RERE: variants seen among roughly 807,000 people sequenced by gnomAD.
RERE encodes arginine-glutamic acid dipeptide repeats protein.
Under a neutral mutation model 146.1 loss-of-function variants are expected in RERE, and 40 were observed. That is an observed-to-expected ratio of 0.27 (90% CI 0.21 to 0.36). The LOEUF is 0.36. RERE is among the 10% of genes least tolerant of loss of function. The probability of loss-of-function intolerance (pLI) is 1.00; values close to 1 mark genes in which losing one functional copy is unlikely to be tolerated. For synonymous variants in RERE, 1,003 were observed against 866.0 expected, an observed-to-expected ratio of 1.16 and a Z score of -2.78; for missense variants, 1,933 against 2,138.7, an observed-to-expected ratio of 0.90 and a Z score of 1.90.
At chr1:8,480,095 A>G (rs1190675796) in intron 10 of RERE, among the ~76,000 whole-genome samples, 1 of 151,902 alleles carries the variant, frequency 6.6e-6, no homozygotes, top group Non-Finnish European at 1.5e-5. Context: ...CAAATAAATA[A>G]ATGAATATAT....
chr1:8,432,837 A>G (rs1644113149), intron 11 of RERE, among the ~76,000 whole-genome samples: 1 of 152,164 alleles, frequency 6.6e-6, no homozygotes, highest in Non-Finnish European at 1.5e-5. Flanking sequence ...TTCCAAGAAG[A>G]ATGGAGAAGT....
At position 8,360,906 on chromosome 1, in the gene RERE, G is replaced by A. The variant is rs77608355; in HGVS notation, c.2601C>T (p.Gly867=). 4.8e-3 allele frequency: 7,187 copies of A among 1,494,174 alleles called. 310 individuals carry two copies. The African/African-American group carries it at 0.089, about 19-fold the overall frequency. The allele number at this position is 1,494,174 out of a possible 1,614,324, so 92.6% of individuals were successfully genotyped here. The change falls in exon 18 of 23, where the codon GGC becomes GGT. Residue 867 remains glycine, a synonymous_variant. Transcript: ENST00000400908. The stretch of plus-strand genomic sequence containing the variant: ...GAGGGAGGCCAAAGGGCTGTGGGGG[G>A]CCTGGGTGCTGCAGCAGGGGCCCAG... ...LQAGPLLQHP[G]PPQPFGLPPQ... is the part of the protein sequence containing the mutation.
chr1:8,643,878 A>AT (rs1411834627), intron 2 of RERE, among the ~76,000 whole-genome samples: 7 of 152,240 alleles, frequency 4.6e-5, no homozygotes, highest in East Asian at 1.9e-4. Flanking sequence ...ATTCTCACCT[A>AT]TTTTTTTCCT....
chr1:8,653,364 T>TA (rs1557459510), intron 2 of RERE, among the ~76,000 whole-genome samples: 1 of 152,154 alleles, frequency 6.6e-6, no homozygotes. Context: ...GAAAGGATAA[T>TA]AAAAAAGTAA....
intron 11 of RERE, among the ~76,000 whole-genome samples, chr1:8,443,701 C>T (rs1050875135): frequency 4.6e-5 from 7 of 152,160 alleles, no homozygotes; most frequent in African/African-American, 1.2e-4. Context: ...GGTTTTGCTG[C>T]CCTCTGCAGC....
chr1:8,455,264 C>G (rs1557640262), intron 11 of RERE, among the ~76,000 whole-genome samples: 1 of 151,950 alleles, frequency 6.6e-6, no homozygotes, highest in African/African-American at 2.4e-5. Context: ...TTTTTAGAGA[C>G]AGGGTATCGC....
intron 1 of RERE, chr1:8,796,767 G>T (rs897064888): frequency 2.6e-5 from 4 of 151,980 alleles, no homozygotes; most frequent in African/African-American, 9.7e-5. Flanking sequence ...AATACGAAGG[G>T]TTAAAATACA....
At chr1:8,434,477 G>A (rs1034317787) in intron 11 of RERE, among the ~76,000 whole-genome samples, 1 of 152,194 alleles carries the variant, frequency 6.6e-6, no homozygotes, top group South Asian at 2.1e-4. Context: ...CTTTACATTT[G>A]TGACAAACTA....
At chr1:8,722,108 T>C (rs1376600002) in intron 1 of RERE, among the ~76,000 whole-genome samples, 1 of 152,238 alleles carries the variant, frequency 6.6e-6, no homozygotes, top group Non-Finnish European at 1.5e-5. Flanking sequence ...ACATTTATTC[T>C]ACTTCATAAG....
chr1:8,703,985 A>C (rs925567559), intron 1 of RERE, among the ~76,000 whole-genome samples: 3 of 152,246 alleles, frequency 2.0e-5, no homozygotes, highest in Non-Finnish European at 1.5e-5. Flanking sequence ...TCCATCTGTT[A>C]GACAAGACAT....
At chr1:8,696,592 C>G (rs777609621) in intron 1 of RERE, among the ~76,000 whole-genome samples, 2 of 152,062 alleles carry the variant, frequency 1.3e-5, no homozygotes, top group Non-Finnish European at 2.9e-5. Flanking sequence ...CCTGCCTAGG[C>G]AACAGAGTGA....
chr1:8,394,770 C>T (rs370829128), intron 12 of RERE, among the ~76,000 whole-genome samples: 1 of 152,150 alleles, frequency 6.6e-6, no homozygotes, highest in East Asian at 1.9e-4. Flanking sequence ...TTAACTTGCT[C>T]TGTAAACCAT....
intron 21 of RERE, 61 bp from the exon 22 acceptor site, chr1:8,355,660 C>A (rs577771438): frequency 5.6e-6 from 8 of 1,427,714 alleles, no homozygotes; most frequent in Non-Finnish European, 7.5e-6. Flanking sequence ...AAGACCAGGG[C>A]GGCACAGGCA....
intron 1 of RERE, among the ~76,000 whole-genome samples, chr1:8,766,639 G>A (rs1414946316): frequency 6.6e-6 from 1 of 151,760 alleles, no homozygotes; most frequent in Non-Finnish European, 1.5e-5. Context: ...AAGAGATACA[G>A]GAAAAAGAAA....
intron 9 of RERE, among the ~76,000 whole-genome samples, chr1:8,496,170 G>T (rs542290304): frequency 7.4e-6 from 1 of 134,858 alleles, no homozygotes; most frequent in African/African-American, 3.1e-5. Context: ...AAAAAAAAAA[G>T]GTGAGAAACC....
In RERE at chr1:8,356,295, T is replaced by A. The variant is rs762736579; in HGVS notation, c.4340-49A>T. The A allele has an allele frequency of 4.8e-5, 70 of 1,464,606 alleles. No individual in the cohort carries two copies. Among genetic ancestry groups the A allele is most frequent in the Admixed American group, 1.0e-4 (3 of 28,846 alleles). 90.7% of individuals were successfully genotyped at this position (1,464,606 alleles called of 1,614,324 possible). A position where few individuals can be genotyped will look rare whatever the true frequency, so the allele number is the denominator to read the frequency against. Reference sequence around the variant, plus strand: ...ATGGAGGCGGTGTGCAGCTCTTCAATGTTTGTCCCCCTTGGCTGGAATGAC... The same window carrying A: ...ATGGAGGCGGTGTGCAGCTCTTCAAAGTTTGTCCCCCTTGGCTGGAATGAC... On this transcript the variant is annotated intron_variant, in intron 20 of 22. Transcript: ENST00000400908. This position sits in a 1 kb window ranked among gnomAD's most constrained non-coding sequence, Gnocchi z 5.2.
intron 4 of RERE, among the ~76,000 whole-genome samples, chr1:8,607,066 A>G (rs776480197): frequency 2.0e-5 from 3 of 152,220 alleles, no homozygotes; most frequent in Non-Finnish European, 4.4e-5. Context: ...TGATATTTAT[A>G]GAAGATATTG....
intron 10 of RERE, among the ~76,000 whole-genome samples, chr1:8,489,907 A>G (rs1644954179): frequency 6.6e-6 from 1 of 151,762 alleles, no homozygotes; most frequent in Admixed American, 6.6e-5. Flanking sequence ...AAAATTAGCC[A>G]GGCGTGGTGG....
At chr1:8,371,483 G>C (rs1250513294) in intron 12 of RERE, among the ~76,000 whole-genome samples, 4 of 152,192 alleles carry the variant, frequency 2.6e-5, no homozygotes, top group Non-Finnish European at 5.9e-5. Flanking sequence ...AGGCAATCTG[G>C]GTGAAGGGCC....
Sources: gnomAD v4.1 joint callset for allele counts (sites outside exome capture counted in the v4.1 genomes callset) on GRCh38, gnomAD v4.1.1 for gene constraint, Gnocchi (gnomAD v3.1) non-coding constraint, MANE v1.5 for transcripts, NCBI Gene and HGNC (gene_info 2026-07-23, HGNC 2026-07-21) for gene names.